Variants in CENPP observed in about 807,000 individuals in gnomAD.
CENPP encodes centromere protein P.
Under a neutral mutation model 35.6 loss-of-function variants are expected in CENPP, and 24 were observed. The observed-to-expected ratio is 0.67, with a 90% CI of 0.49 to 0.95. CENPP has a LOEUF of 0.95. CENPP is among the 40% of genes least tolerant of loss of function. The probability of loss-of-function intolerance (pLI) is 0.00; values close to 1 mark genes in which losing one functional copy is unlikely to be tolerated. For synonymous variants in CENPP, 120 were observed against 125.5 expected (o/e 0.96, Z 0.29); for missense variants, 332 against 345.3 (o/e 0.96, Z 0.31).
intron 5 of CENPP, among the ~76,000 whole-genome samples, chr9:92,467,659 A>G (rs1160835904): frequency 6.6e-6 from 1 of 152,058 alleles, no homozygotes; most frequent in Non-Finnish European, 1.5e-5. Context: ...TATTACTCAT[A>G]TTGTTGTTGT....
At chr9:92,408,376 G>C (rs1843362339) in intron 5 of CENPP, among the ~76,000 whole-genome samples, 1 of 152,124 alleles carries the variant, frequency 6.6e-6, no homozygotes, top group African/African-American at 2.4e-5. Flanking sequence ...AGTAGAGACA[G>C]GGTTTCACCA....
At chr9:92,372,634 G>C (rs1228041272) in intron 4 of CENPP, among the ~76,000 whole-genome samples, 1 of 152,100 alleles carries the variant, frequency 6.6e-6, no homozygotes, top group Non-Finnish European at 1.5e-5. Context: ...TTGTGGTAAT[G>C]AATTCTTTTA....
intron 5 of CENPP, chr9:92,501,085 G>C: frequency 6.3e-7 from 1 of 1,597,460 alleles, no homozygotes. Context: ...ACAGGGTAGG[G>C]ACATCAGGAT....
At chr9:92,500,848 A>G (rs1302619057) in intron 5 of CENPP, 1 of 1,614,114 alleles carries the variant, frequency 6.2e-7, no homozygotes, top group African/African-American at 1.3e-5. Context: ...TATGCCCCAT[A>G]GAAGGAGACA....
At chr9:92,544,543 G>GT (rs74490244) in intron 5 of CENPP, among the ~76,000 whole-genome samples, 87 of 116,666 alleles carry the variant, frequency 7.5e-4, no homozygotes, top group African/African-American at 1.5e-3. Context: ...TTGTTGAGGG[G>GT]TTTTTTTTTT....
intron 5 of CENPP, among the ~76,000 whole-genome samples, chr9:92,606,777 G>A (rs1331462253): frequency 1.3e-5 from 2 of 152,202 alleles, no homozygotes; most frequent in Non-Finnish European, 2.9e-5. Flanking sequence ...GGTGGCACGC[G>A]TCTGTAGTCC....
At chr9:92,522,507 T>G (rs1848136764) in intron 5 of CENPP, 13 of 1,413,788 alleles carry the variant, frequency 9.2e-6, no homozygotes, top group Non-Finnish European at 1.2e-5. Context: ...CCCTCTCTCC[T>G]TCTCTTTCCC....
Position 92,600,599 on chromosome 9 carries a change from C to A in CENPP, c.565-10715C>A. On this transcript the variant is annotated intron_variant, in intron 5 of 7. Coordinates refer to ENST00000375587, the MANE Select transcript of CENPP (RefSeq NM_001012267.3). ...CTTGCGAGGGTTCTGGGGCATCAGTCACTACCAGAAAGACAGCGCAAGTCA... is the reference window on the plus strand; with the variant it reads ...CTTGCGAGGGTTCTGGGGCATCAGTAACTACCAGAAAGACAGCGCAAGTCA... 1.9e-6 allele frequency: 3 copies of A among 1,591,520 alleles called. No homozygotes were observed. The South Asian group carries it at 3.4e-5, about 18-fold the overall frequency.
chr9:92,582,567 A>G (rs1230228931), intron 5 of CENPP, among the ~76,000 whole-genome samples: 1 of 152,006 alleles, frequency 6.6e-6, no homozygotes, highest in Non-Finnish European at 1.5e-5. Flanking sequence ...AGAAAAAATA[A>G]TGTGGAGCCT....
At chr9:92,368,651 T>G (rs1052530241) in intron 4 of CENPP, among the ~76,000 whole-genome samples, 2 of 152,202 alleles carry the variant, frequency 1.3e-5, no homozygotes, top group African/African-American at 4.8e-5. Context: ...ATTTATATAT[T>G]GTGGATAGTT....
At chr9:92,448,959 G>A (rs970093856) in intron 5 of CENPP, among the ~76,000 whole-genome samples, 1 of 152,180 alleles carries the variant, frequency 6.6e-6, no homozygotes, top group African/African-American at 2.4e-5. Context: ...AAGATGGAGG[G>A]TAGGTTAGTC....
At chr9:92,537,514 G>C (rs548897485) in intron 5 of CENPP, among the ~76,000 whole-genome samples, 58 of 151,996 alleles carry the variant, frequency 3.8e-4, no homozygotes, top group Non-Finnish European at 6.3e-4. Context: ...ACAAAAATTA[G>C]CCGAGTATGG....
At chr9:92,510,235 T>G (rs998495513) in intron 5 of CENPP, among the ~76,000 whole-genome samples, 5 of 152,230 alleles carry the variant, frequency 3.3e-5, no homozygotes, top group Non-Finnish European at 5.9e-5. Context: ...CTCAGGGATT[T>G]TCAGCAGACT....
intron 5 of CENPP, chr9:92,459,673 TTA>T (rs745982674): frequency 9.3e-6 from 15 of 1,613,400 alleles, no homozygotes; most frequent in African/African-American, 1.3e-5. Flanking sequence ...GGGATTTTTT[TTA>T]GTTTATTGTT....
intron 5 of CENPP, chr9:92,415,509 A>G (rs1297096483): frequency 1.6e-6 from 2 of 1,289,668 alleles, no homozygotes; most frequent in Non-Finnish European, 2.1e-6. Context: ...TTAATCTTGT[A>G]TTATAGTATA....
At chr9:92,584,121 C>A (rs899152100) in intron 5 of CENPP, among the ~76,000 whole-genome samples, 43 of 152,340 alleles carry the variant, frequency 2.8e-4, no homozygotes, top group African/African-American at 1.0e-3. Context: ...AGCCATCCCC[C>A]AGTCCCAGCC....
intron 5 of CENPP, chr9:92,522,518 C>T: frequency 1.4e-6 from 2 of 1,455,958 alleles, no homozygotes; most frequent in Non-Finnish European, 1.8e-6. Flanking sequence ...TCTCTTTCCC[C>T]ATACCATCTC....
At chr9:92,466,427 TTC>T (rs1845314763) in intron 5 of CENPP, 2 of 1,610,398 alleles carry the variant, frequency 1.2e-6, no homozygotes. Flanking sequence ...TTTTCATGAA[TTC>T]TGAGTTCTGC....
At chr9:92,364,751 T>C (rs972020139) in intron 4 of CENPP, among the ~76,000 whole-genome samples, 1 of 152,244 alleles carries the variant, frequency 6.6e-6, no homozygotes, top group African/African-American at 2.4e-5. Context: ...TTCAGTTTTA[T>C]GAAGCTTACA....
Sources: gnomAD v4.1 joint callset for allele counts (sites outside exome capture counted in the v4.1 genomes callset) on GRCh38, gnomAD v4.1.1 for gene constraint, MANE v1.5 for transcripts, NCBI Gene and HGNC (gene_info 2026-07-23, HGNC 2026-07-21) for gene names.